The following TAF4B variants were observed in gnomAD, a reference collection of about 807,000 sequenced individuals.
TAF4B encodes the protein TATA-box binding protein associated factor 4b.
TAF4B carries 38 observed loss-of-function variants against 86.4 expected under a neutral mutation model. That is an observed-to-expected ratio of 0.44 (90% CI 0.34 to 0.58). TAF4B has a LOEUF of 0.58. Among genes scored for constraint, TAF4B ranks in the 20% least tolerant of loss-of-function variants. The pLI, the probability that TAF4B is intolerant of heterozygous loss-of-function variation, is 0.02. For synonymous variants in TAF4B, 388 were observed against 391.2 expected (o/e 0.99, Z 0.10); for missense variants, 988 against 1,027.6 (o/e 0.96, Z 0.53).
chr18:26,282,364 A>G (rs2056461073), intron 6 of TAF4B, among the ~76,000 whole-genome samples: 1 of 152,240 alleles, frequency 6.6e-6, no homozygotes, highest in African/African-American at 2.4e-5. Context: ...GACCACCATA[A>G]GAAAGCTAAT....
chr18:26,338,294 A>G (rs2057108415), intron 13 of TAF4B, among the ~76,000 whole-genome samples: 1 of 151,676 alleles, frequency 6.6e-6, no homozygotes, highest in Non-Finnish European at 1.5e-5. Flanking sequence ...CTAAAAATAC[A>G]AAAAATTAGC....
intron 10 of TAF4B, among the ~76,000 whole-genome samples, chr18:26,315,928 C>T (rs1251111536): frequency 6.6e-6 from 1 of 152,092 alleles, no homozygotes; most frequent in Non-Finnish European, 1.5e-5. Flanking sequence ...CACGGCCAGA[C>T]ACGGTGTCTC....
intron 9 of TAF4B, among the ~76,000 whole-genome samples, chr18:26,300,770 C>A (rs1017276718): frequency 4.6e-5 from 7 of 151,916 alleles, no homozygotes; most frequent in Admixed American, 3.3e-4. Flanking sequence ...GTGTTCACAT[C>A]TTCTATACCC....
intron 13 of TAF4B, among the ~76,000 whole-genome samples, chr18:26,351,003 T>C (rs894745315): frequency 1.3e-5 from 2 of 152,180 alleles, no homozygotes; most frequent in African/African-American, 4.8e-5. Context: ...TACTGTATGA[T>C]CCAGCAATCC....
chr18:26,322,459 T>G (rs897683367), intron 11 of TAF4B, among the ~76,000 whole-genome samples: 4 of 96,864 alleles, frequency 4.1e-5, no homozygotes, highest in Non-Finnish European at 1.2e-4. Flanking sequence ...CACACAAAAA[T>G]AAATAAAGAT....
At chr18:26,231,065 A>AT (rs2055660638) in intron 1 of TAF4B, among the ~76,000 whole-genome samples, 2 of 53,846 alleles carry the variant, frequency 3.7e-5, no homozygotes, top group Admixed American at 2.0e-4. Flanking sequence ...TTTTTGATGG[A>AT]TTTTGCCCTT....
intron 1 of TAF4B, among the ~76,000 whole-genome samples, chr18:26,261,995 C>T (rs1328580236): frequency 6.6e-5 from 10 of 152,176 alleles, no homozygotes; most frequent in African/African-American, 2.4e-4. Flanking sequence ...GTGGGCAGTA[C>T]TCAGGTCTTT....
At chr18:26,324,410 C>G (rs1381291527) in intron 11 of TAF4B, among the ~76,000 whole-genome samples, 1 of 152,104 alleles carries the variant, frequency 6.6e-6, no homozygotes, top group Non-Finnish European at 1.5e-5. Context: ...CCATGCCTGG[C>G]CACGTGAGTA....
intron 7 of TAF4B, among the ~76,000 whole-genome samples, chr18:26,288,225 T>C (rs1227258984): frequency 6.6e-6 from 1 of 152,192 alleles, no homozygotes; most frequent in African/African-American, 2.4e-5. Flanking sequence ...AATAATACTT[T>C]ATAGCTACAT....
chr18:26,274,427 A>C (rs75240251), intron 3 of TAF4B, among the ~76,000 whole-genome samples: 1 of 152,158 alleles, frequency 6.6e-6, no homozygotes. Flanking sequence ...AAGATTAAGT[A>C]ACTTGCCTGC....
chr18:26,293,027 A>G (rs1041729302), intron 8 of TAF4B, among the ~76,000 whole-genome samples: 18 of 152,190 alleles, frequency 1.2e-4, no homozygotes, highest in African/African-American at 4.1e-4. Context: ...ACTTGTATGC[A>G]TGTACATGCA....
At chr18:26,322,471 T>C (rs1267691423) in intron 11 of TAF4B, among the ~76,000 whole-genome samples, 1 of 152,102 alleles carries the variant, frequency 6.6e-6, no homozygotes, top group East Asian at 1.9e-4. Flanking sequence ...AATAAAGATA[T>C]TAATTTTGTG....
chr18:26,378,235 T>A (rs1432483861), intron 14 of TAF4B, among the ~76,000 whole-genome samples: 1 of 152,202 alleles, frequency 6.6e-6, no homozygotes, highest in African/African-American at 2.4e-5. Flanking sequence ...TAATTTAGCT[T>A]ACCCAAAATT....
intron 9 of TAF4B, among the ~76,000 whole-genome samples, chr18:26,297,636 A>G (rs1216425335): frequency 2.0e-5 from 3 of 151,952 alleles, no homozygotes; most frequent in Admixed American, 6.6e-5. Flanking sequence ...TGTGTTTTAT[A>G]TATACCATGT....
chr18:26,338,470 ATT>A (rs764826705), intron 13 of TAF4B, among the ~76,000 whole-genome samples: 5 of 71,200 alleles, frequency 7.0e-5, no homozygotes, highest in East Asian at 5.3e-4. Context: ...AAGAACTAGA[ATT>A]TTTTTTTTTT....
chr18:26,356,929 C>A (rs959191159), intron 13 of TAF4B, among the ~76,000 whole-genome samples: 17 of 151,810 alleles, frequency 1.1e-4, no homozygotes, highest in Middle Eastern at 3.4e-3. Flanking sequence ...AAAAATTATA[C>A]CCTGTAGATT....
Position 26,390,218 on chromosome 18 carries a change from G to A in TAF4B, c.*206G>A, listed in dbSNP as rs369752845. 935 of 505,294 alleles carry A rather than the reference G, an allele frequency of 1.9e-3. 29 individuals are homozygous for A. In the South Asian group the frequency reaches 0.033, roughly 18 times the overall value. 31.3% of individuals were successfully genotyped at this position (505,294 alleles called of 1,614,324 possible). On this transcript the variant is annotated 3_prime_UTR_variant, in exon 15 of 15. Coordinates refer to ENST00000269142, the MANE Select transcript of TAF4B (RefSeq NM_005640.3). Reference sequence around the variant, plus strand: ...ATTCATCTTTGTCTTCTGAAAATCAGTTATGAAATACACTTTGCACAGAAT... The same window carrying A: ...ATTCATCTTTGTCTTCTGAAAATCAATTATGAAATACACTTTGCACAGAAT...
At chr18:26,359,521 T>C (rs980045129) in intron 14 of TAF4B, among the ~76,000 whole-genome samples, 6 of 152,212 alleles carry the variant, frequency 3.9e-5, no homozygotes, top group African/African-American at 1.4e-4. Flanking sequence ...TATAGCATAG[T>C]AGAACTGTGT....
At chr18:26,364,487 C>A (rs1234477578) in intron 14 of TAF4B, among the ~76,000 whole-genome samples, 1 of 151,166 alleles carries the variant, frequency 6.6e-6, no homozygotes, top group South Asian at 2.1e-4. Context: ...TGTATTGTAT[C>A]GGTGATGTGT....
Sources: gnomAD v4.1 joint callset for allele counts (sites outside exome capture counted in the v4.1 genomes callset) on GRCh38, gnomAD v4.1.1 for gene constraint, MANE v1.5 for transcripts, NCBI Gene and HGNC (gene_info 2026-07-23, HGNC 2026-07-21) for gene names.